Variants in FERMT1 observed in about 807,000 individuals in gnomAD.
FERMT1 encodes the protein FERM domain containing kindlin 1.
Under a neutral mutation model 85.3 loss-of-function variants are expected in FERMT1, and 60 were observed. The observed-to-expected ratio is 0.70, with a 90% CI of 0.57 to 0.87. The LOEUF is 0.87. Ranked by LOEUF, FERMT1 falls within the 40% of genes least tolerant of loss-of-function variation. The probability of loss-of-function intolerance (pLI) is 0.00; values close to 1 mark genes in which losing one functional copy is unlikely to be tolerated. For synonymous variants in FERMT1, 275 were observed against 301.1 expected, an observed-to-expected ratio of 0.91 and a Z score of 0.90; for missense variants, 701 against 818.9, an observed-to-expected ratio of 0.86 and a Z score of 1.76.
chr20:6,089,201 T>A (rs1427771556), intron 9 of FERMT1, 112 bp from the exon 10 acceptor site: 1 of 1,096,540 alleles, frequency 9.1e-7, no homozygotes, highest in Non-Finnish European at 1.4e-6. Flanking sequence ...CACACTTTGT[T>A]TTTTCAAAAA....
intron 9 of FERMT1, among the ~76,000 whole-genome samples, chr20:6,091,798 A>G (rs1162342713): frequency 6.6e-6 from 1 of 152,144 alleles, no homozygotes; most frequent in Non-Finnish European, 1.5e-5. Flanking sequence ...CTTCTGACAC[A>G]TTAACAAAGC....
In FERMT1 at chr20:6,110,521, A is replaced by C; in HGVS notation, c.533-10T>G. The stretch of plus-strand genomic sequence containing the variant: ...TATAAACCAGGACTTACTGCAAGGC[A>C]GGGGGATCAAGAACTATGATATGAG... On this transcript the variant is annotated splice_polypyrimidine_tract_variant and intron_variant, in intron 4 of 14. Transcript: ENST00000217289. The C allele has an allele frequency of 6.3e-7, 1 of 1,598,168 alleles. No homozygotes were observed. The highest frequency in any genetic ancestry group is 8.6e-7 in the Non-Finnish European group (1 of 1,165,344).
chr20:6,102,787 C>T (rs1322879911), intron 6 of FERMT1, among the ~76,000 whole-genome samples: 2 of 151,924 alleles, frequency 1.3e-5, no homozygotes, highest in Non-Finnish European at 2.9e-5. Flanking sequence ...CTGTTTCTCC[C>T]TGTCTAGTCA....
rs2232078 is a variant in FERMT1 at position 6,084,158 on chromosome 20, C to T, written c.1600G>A (p.Ala534Thr). Residue 534 changes from alanine to threonine, a missense_variant, in exon 13 of 15, where the codon GCC (alanine) becomes ACC (threonine). Physicochemically the swap from Ala to Thr is moderately conservative, Grantham distance 58 (BLOSUM62 0). Transcript: ENST00000217289. ...TTCTGGTGCGCCTCCAGGATCCGGG[C>T]GGCCAGCTGAACAGAAACAGACATC... ...AKRHKSKQLA[A>T]RILEAHQNVA... is the part of the protein sequence containing the mutation. The T allele has an allele frequency of 6.3e-3, 10,122 of 1,611,174 alleles. 45 individuals carry two copies. Among genetic ancestry groups the T allele is most frequent in the South Asian group, 0.013 (1,152 of 90,548 alleles).
Position 6,079,433 on chromosome 20 carries a change from T to C in FERMT1, c.1860+3A>G. The C allele has an allele frequency of 1.2e-6, 2 of 1,614,152 alleles. No individual in the cohort carries two copies. The highest frequency in any genetic ancestry group is 1.7e-6 in the Non-Finnish European group (2 of 1,179,990). Reference sequence around the variant, plus strand: ...CACTGAAGAGCAAAAACTTTCACTTTACCTGCCGGGTTTCCCAGTTTACAT... The same window carrying C: ...CACTGAAGAGCAAAAACTTTCACTTCACCTGCCGGGTTTCCCAGTTTACAT... On this transcript the variant is annotated splice_donor_region_variant and intron_variant, in intron 14 of 14. Coordinates refer to ENST00000217289, the MANE Select transcript of FERMT1 (RefSeq NM_017671.5).
At position 6,112,636 on chromosome 20, in the gene FERMT1, A is replaced by T; in HGVS notation, c.386-13T>A. ...GATCTTCTAATATCTAGAAATAAATATTTTTTAAAAATGAAGAAAAAGTAA... is the reference window on the plus strand; with the variant it reads ...GATCTTCTAATATCTAGAAATAAATTTTTTTTAAAAATGAAGAAAAAGTAA... On this transcript the variant is annotated splice_polypyrimidine_tract_variant and intron_variant, in intron 3 of 14. Transcript: ENST00000217289. 1 of 1,500,392 alleles carries T rather than the reference A, an allele frequency of 6.7e-7. No homozygotes were observed. The highest frequency in any genetic ancestry group is 9.0e-7 in the Non-Finnish European group (1 of 1,113,570). 92.9% of individuals were successfully genotyped at this position (1,500,392 alleles called of 1,614,324 possible). A position where few individuals can be genotyped will look rare whatever the true frequency, so the allele number is the denominator to read the frequency against.
intron 5 of FERMT1, among the ~76,000 whole-genome samples, chr20:6,108,701 T>C (rs1982863236): frequency 6.6e-6 from 1 of 151,920 alleles, no homozygotes; most frequent in Admixed American, 6.6e-5. Context: ...TCTCAGCTAC[T>C]TGGGAGGCTG....
intron 14 of FERMT1, among the ~76,000 whole-genome samples, chr20:6,078,521 C>T (rs1981894643): frequency 6.6e-6 from 1 of 152,072 alleles, no homozygotes; most frequent in Non-Finnish European, 1.5e-5. Flanking sequence ...GTTACCCAGG[C>T]TGGAGTGCAG....
chr20:6,097,611 G>T lies in FERMT1; in HGVS notation c.870C>A (p.Asn290Lys), dbSNP rs1464021180. The T allele has an allele frequency of 6.2e-7, 1 of 1,613,406 alleles. No homozygotes were observed. Among genetic ancestry groups the T allele is most frequent in the Non-Finnish European group, 8.5e-7 (1 of 1,179,606 alleles). Residue 290 changes from asparagine to lysine, a missense_variant, in exon 7 of 15, where the codon AAC becomes AAA. Coordinates refer to ENST00000217289, the MANE Select transcript of FERMT1 (RefSeq NM_017671.5). ...CCCACCTGGCTTGCTCATAGAGTTG[G>T]TTTATTCGGACAGCATCATACTAGA... ...LNPKYDAVRINQLYEQARWAI... is the reference protein window; with the variant it reads ...LNPKYDAVRIKQLYEQARWAI...
Position 6,077,066 on chromosome 20 carries a change from T to C in FERMT1, c.*107A>G. ...ATCTGGGTGACCAGCGGTGAATGTA[T>C]GTTGTCTGTTAGTCCAGAATCTACA... On this transcript the variant is annotated 3_prime_UTR_variant, in exon 15 of 15. Coordinates refer to ENST00000217289, the MANE Select transcript of FERMT1 (RefSeq NM_017671.5). The C allele has an allele frequency of 9.1e-7, 1 of 1,097,724 alleles. No individual in the cohort carries two copies. The highest frequency in any genetic ancestry group is 1.5e-5 in the African/African-American group (1 of 65,070). 68.0% of individuals were successfully genotyped at this position (1,097,724 alleles called of 1,614,324 possible). A position where few individuals can be genotyped will look rare whatever the true frequency, so the allele number is the denominator to read the frequency against.
chr20:6,119,734 T>C (rs932112755), intron 1 of FERMT1, among the ~76,000 whole-genome samples, 162 bp from the exon 2 acceptor site: 3 of 152,222 alleles, frequency 2.0e-5, no homozygotes, highest in African/African-American at 7.2e-5. Context: ...AAATTTGGCA[T>C]CTTAACTTTG....
At chr20:6,102,006 A>C (rs1290894337) in intron 6 of FERMT1, among the ~76,000 whole-genome samples, 1 of 152,118 alleles carries the variant, frequency 6.6e-6, no homozygotes, top group African/African-American at 2.4e-5. Context: ...TATATGTAAC[A>C]TAATATTTAC....
chr20:6,094,506 G>A lies in FERMT1; in HGVS notation c.1139+433C>T, dbSNP rs142993545. Among the ~76,000 whole-genome samples the A allele has an allele frequency of 4.7e-3, 711 of 152,282 alleles. 8 individuals are homozygous for A. Among genetic ancestry groups the A allele is most frequent in the African/African-American group, 0.017 (686 of 41,546 alleles). ...TTATAAGCCTTCAAATGGTATCAGC[G>A]TACTGAGCCTCCCAGATGGAACCTA... On this transcript the variant is annotated intron_variant, in intron 9 of 14. Transcript: ENST00000217289.
At position 6,107,585 on chromosome 20, in the gene FERMT1, C is replaced by T. The variant is rs766019152; in HGVS notation, c.796G>A (p.Glu266Lys). The T allele has an allele frequency of 1.7e-5, 28 of 1,613,096 alleles. No individual in the cohort carries two copies. Among genetic ancestry groups the T allele is most frequent in the African/African-American group, 1.1e-4 (8 of 74,910 alleles). Residue 266 changes from glutamate to lysine, a missense_variant, in exon 6 of 15, where the codon GAG (glutamate) becomes AAG (lysine). By Grantham distance (56) the Glu-to-Lys change is moderately conservative. Transcript: ENST00000217289. ...SLMEQGIQED[E>K]QLLLRFKYYS... ...TATTTAAATCGTAAGAGCAGCTGCT[C>T]ATCCTCTTGGATGCCTTGTTCCATA... is the stretch of plus-strand genomic sequence containing the variant.
Position 6,112,404 on chromosome 20 carries a change from G to T in FERMT1, c.532+73C>A, listed in dbSNP as rs1982975145. 7.1e-6 allele frequency: 10 copies of T among 1,401,300 alleles called. No homozygotes were observed. In the South Asian group the frequency reaches 1.2e-4, roughly 16 times the overall value. 86.8% of individuals were successfully genotyped at this position (1,401,300 alleles called of 1,614,324 possible). ...TATTTCTCCTTTGTTTGGTGGGGGT[G>T]GGAGGAGAGATATATTTCTCTCTTG... On this transcript the variant is annotated intron_variant, in intron 4 of 14. Transcript: ENST00000217289.
chr20:6,114,999 C>T (rs1057335965), intron 3 of FERMT1, among the ~76,000 whole-genome samples: 2 of 152,180 alleles, frequency 1.3e-5, no homozygotes, highest in Non-Finnish European at 2.9e-5. Flanking sequence ...ATCCCTAGCA[C>T]TCACCACAAT....
At chr20:6,121,752 T>C (rs1248536507) in intron 1 of FERMT1, among the ~76,000 whole-genome samples, 1 of 152,208 alleles carries the variant, frequency 6.6e-6, no homozygotes, top group Non-Finnish European at 1.5e-5. Context: ...GAAATCCAGG[T>C]CTGCCTTTCT....
rs1982907924 is a variant in FERMT1, at chr20:6,110,286, C to T, written c.746+12G>A. ...CTAGCTCAGAGAGAAGTAAAAGGAG[C>T]CGTGTCCTTACCCTGCATTGAGCTT... On this transcript the variant is annotated intron_variant, in intron 5 of 14. Transcript: ENST00000217289. The T allele has an allele frequency of 1.2e-6, 2 of 1,604,020 alleles. No homozygotes were observed. Among genetic ancestry groups the T allele is most frequent in the Non-Finnish European group, 1.7e-6 (2 of 1,172,570 alleles).
chr20:6,079,782 T>A (rs1246118019), intron 13 of FERMT1, among the ~76,000 whole-genome samples: 2 of 152,182 alleles, frequency 1.3e-5, no homozygotes, highest in Admixed American at 1.3e-4. Context: ...CTGCAGATGG[T>A]CTTTAAGTAA....
Sources: allele counts gnomAD v4.1 joint callset (sites outside exome capture counted in the v4.1 genomes callset), GRCh38; gene constraint gnomAD v4.1.1; transcripts MANE v1.5; gene names NCBI Gene and HGNC (gene_info 2026-07-23, HGNC 2026-07-21).